Variants in MEX3A observed in about 807,000 individuals in gnomAD.
MEX3A encodes mex-3 RNA binding family member A.
A neutral mutation model predicts 30.0 loss-of-function variants in MEX3A; 4 were observed. The ratio of observed to expected loss-of-function variants is 0.13; its 90% CI spans 0.07 to 0.30. MEX3A has a LOEUF of 0.30. MEX3A is among the 10% of genes least tolerant of loss of function. MEX3A has a pLI of 1.00. For missense variants in MEX3A, 555 were observed against 736.7 expected (o/e 0.75, Z 2.86); for synonymous variants, 335 against 327.6 (o/e 1.02, Z -0.24).
At chr1:156,080,342 T>A (rs1349210690) in intron 1 of MEX3A, among the ~76,000 whole-genome samples, 1 of 151,970 alleles carries the variant, frequency 6.6e-6, no homozygotes, top group African/African-American at 2.4e-5. Flanking sequence ...CTCCGTGAAA[T>A]CCCCCTAACC....
chr1:156,076,794 G>A lies in MEX3A; in HGVS notation c.1343C>T (p.Pro448Leu), dbSNP rs571656220. Residue 448 changes from proline (P) to leucine (L), a missense_variant, in exon 2 of 2, where the codon CCG (proline) becomes CTG (leucine). Transcript: ENST00000532414. The surrounding 1 kb of genome is among the most constrained non-coding windows in gnomAD (Gnocchi z 6.0). The stretch of plus-strand genomic sequence containing the variant: ...ACCAAGTTTAGAGAAGCCCTGGAGC[G>A]GCTCTCCCGGGGGGCGCCTCGGGAG... The part of the protein sequence containing the change: ...AGLPRRPPGE[P>L]LQGFSKLGGG... 95 of 1,566,540 alleles carry A rather than the reference G, an allele frequency of 6.1e-5. No individual in the cohort carries two copies. In the South Asian group the frequency reaches 8.6e-4, roughly 14 times the overall value.
chr1:156,078,960 G>A (rs868636884), intron 1 of MEX3A, among the ~76,000 whole-genome samples: 11 of 151,692 alleles, frequency 7.3e-5, no homozygotes, highest in African/African-American at 2.4e-4. Context: ...ATACACACCC[G>A]CACCCATGAC....
chr1:156,077,201 T>C lies in MEX3A; in HGVS notation c.936A>G (p.Ala312=). ...AGGCGTCGGAGTAGCGGCTATCGATTGCTGCGTCGGGGCTCCCCGCCAGGA... is the reference window on the plus strand; with the variant it reads ...AGGCGTCGGAGTAGCGGCTATCGATCGCTGCGTCGGGGCTCCCCGCCAGGA... ...NDFLAGSPDA[A]IDSRYSDAWR... is the part of the protein sequence containing the mutation. Residue 312 remains alanine, a synonymous_variant, in exon 2 of 2, where the codon GCA becomes GCG. Transcript: ENST00000532414. The surrounding 1 kb of genome is among the most constrained non-coding windows in gnomAD (Gnocchi z 8.3). 1 of 1,613,562 alleles carries C rather than the reference T, an allele frequency of 6.2e-7. No individual in the cohort carries two copies. The highest frequency in any genetic ancestry group is 8.5e-7 in the Non-Finnish European group (1 of 1,179,822).
At chr1:156,078,307 A>C (rs1336733193) in intron 1 of MEX3A, among the ~76,000 whole-genome samples, 1 of 152,146 alleles carries the variant, frequency 6.6e-6, no homozygotes, top group Non-Finnish European at 1.5e-5. Flanking sequence ...ATTCATAGCG[A>C]GTTTGCAGCA....
rs556045598 is a variant in MEX3A, at chr1:156,082,315, T to C, written c.-317A>G. ...ACGGGGGGCGGGGGGCTGCAGGATC[T>C]CTGCCCCCACCCCTCCCGCCTCGGA... On this transcript the variant is annotated 5_prime_UTR_variant, in exon 1 of 2. Transcript: ENST00000532414. Among the ~76,000 whole-genome samples, 12 of 152,026 alleles carry C rather than the reference T, an allele frequency of 7.9e-5. No homozygotes were observed. In the East Asian group the frequency reaches 2.3e-3, roughly 30 times the overall value.
chr1:156,076,924 A>G lies in MEX3A; in HGVS notation c.1213T>C (p.Phe405Leu), dbSNP rs1266217988. ...QENATPTSVL[F>L]SSASSSSSSS... is the part of the protein sequence containing the mutation. ...GAGGAGGAGGAGGAGGCAGAGGAGA[A>G]GAGCACGGAGGTGGGCGTGGCGTTC... Residue 405 changes from phenylalanine to leucine, a missense_variant, in exon 2 of 2, where the codon TTC becomes CTC. Coordinates refer to ENST00000532414, the MANE Select transcript of MEX3A (RefSeq NM_001093725.2). The surrounding 1 kb of genome is among the most constrained non-coding windows in gnomAD (Gnocchi z 6.0). 1.0e-5 allele frequency: 16 copies of G among 1,593,668 alleles called. No homozygotes were observed. Among genetic ancestry groups the G allele is most frequent in the South Asian group, 1.1e-5 (1 of 88,988 alleles).
rs1262158728 is a variant in MEX3A at position 156,074,195 on chromosome 1, TTTC to T, written c.*2376_*2378del. The T allele has an allele frequency of 1.4e-4, 22 of 152,348 alleles. No homozygotes were observed. The highest frequency in any genetic ancestry group is 1.4e-3 in the Admixed American group (22 of 15,280). The allele number at this position is 152,348 out of a possible 1,614,324, so 9.4% of individuals were successfully genotyped here. Reference sequence around the variant, plus strand: ...TTAACTCTGAATACAAATGTATTTTTTTCTTCTTCTCTCCCTACATATATTCTA... The same window carrying T: ...TTAACTCTGAATACAAATGTATTTTTTTCTTCTCTCCCTACATATATTCTA... On this transcript the variant is annotated 3_prime_UTR_variant, in exon 2 of 2. Transcript: ENST00000532414.
chr1:156,079,797 T>C (rs778754065), intron 1 of MEX3A, among the ~76,000 whole-genome samples: 2 of 152,016 alleles, frequency 1.3e-5, no homozygotes, highest in African/African-American at 4.8e-5. Flanking sequence ...TCTTTAGCGG[T>C]TGGGGTTGGG....
At chr1:156,080,283 T>G (rs1648181019) in intron 1 of MEX3A, among the ~76,000 whole-genome samples, 1 of 152,162 alleles carries the variant, frequency 6.6e-6, no homozygotes, top group South Asian at 2.1e-4. Context: ...CCCAGGGGGA[T>G]GAGGGCTGTG....
chr1:156,078,067 C>G (rs1437474711), intron 1 of MEX3A, among the ~76,000 whole-genome samples: 1 of 152,212 alleles, frequency 6.6e-6, no homozygotes, highest in Admixed American at 6.5e-5. Flanking sequence ...AATTTCTCTA[C>G]TGATTCCTGG....
In MEX3A at chr1:156,076,973, G is replaced by A. The variant is rs1219292794; in HGVS notation, c.1164C>T (p.Ser388=). Residue 388 remains serine, a synonymous_variant, in exon 2 of 2, where the codon AGC becomes AGT. Coordinates refer to ENST00000532414, the MANE Select transcript of MEX3A (RefSeq NM_001093725.2). This position sits in a 1 kb window ranked among gnomAD's most constrained non-coding sequence, Gnocchi z 6.0. ...TCTCCTGGCCCGCCCACAGCGGGGG[G>A]CTAGTCTCGGCCACGCCGTAGTACA... ...QDVYYGVAET[S]PPLWAGQENA... is the part of the protein sequence containing the mutation. The A allele has an allele frequency of 2.5e-6, 4 of 1,612,138 alleles. No homozygotes were observed. Among genetic ancestry groups the A allele is most frequent in the Non-Finnish European group, 3.4e-6 (4 of 1,179,246 alleles).
chr1:156,076,983 G>A lies in MEX3A; in HGVS notation c.1154C>T (p.Ala385Val), dbSNP rs1264471967. ...VGKQDVYYGV[A>V]ETSPPLWAGQ... is the part of the protein sequence containing the mutation. ...CGCCCACAGCGGGGGGCTAGTCTCG[G>A]CCACGCCGTAGTACACATCCTGCTT... Residue 385 changes from alanine (A) to valine (V), a missense_variant, in exon 2 of 2, where the codon GCC becomes GTC. By Grantham distance (64) the Ala-to-Val change is moderately conservative. Around this residue, in one of 6 missense-constraint regions of MEX3A, gnomAD observed 281 missense variants for 265.1 expected, o/e 1.06. Transcript: ENST00000532414. This position sits in a 1 kb window ranked among gnomAD's most constrained non-coding sequence, Gnocchi z 6.0. 1 of 1,612,614 alleles carries A rather than the reference G, an allele frequency of 6.2e-7. No homozygotes were observed. The highest frequency in any genetic ancestry group is 1.3e-5 in the African/African-American group (1 of 74,918).
rs1648080439 is a variant in MEX3A at position 156,076,813 on chromosome 1, TCGGGAGTCCGGCCAG to T, written c.1309_1323del (p.Leu437_Pro441del). The T allele has an allele frequency of 1.3e-6, 2 of 1,555,342 alleles. No homozygotes were observed. On this transcript the variant is annotated inframe_deletion, in exon 2 of 2. Coordinates refer to ENST00000532414, the MANE Select transcript of MEX3A (RefSeq NM_001093725.2). The surrounding 1 kb of genome is among the most constrained non-coding windows in gnomAD (Gnocchi z 6.0). ...TGGAGCGGCTCTCCCGGGGGGCGCC[TCGGGAGTCCGGCCAG>T]CTCGGGTCCCGCGGAAGTGGCAGGG...
Position 156,076,274 on chromosome 1 carries a change from C to G in MEX3A, c.*300G>C. 3.4e-6 allele frequency: 1 copy of G among 290,678 alleles called. No individual in the cohort carries two copies. The highest frequency in any genetic ancestry group is 4.8e-5 in the Admixed American group (1 of 20,974). 18.0% of individuals were successfully genotyped at this position (290,678 alleles called of 1,614,324 possible). On this transcript the variant is annotated 3_prime_UTR_variant, in exon 2 of 2. Transcript: ENST00000532414. This position sits in a 1 kb window ranked among gnomAD's most constrained non-coding sequence, Gnocchi z 6.0. ...CGTCAGAATGCCTTAGTGGCCACCT[C>G]TGGCAAAACAAAAGTTTCTCTTAGC...
In MEX3A at chr1:156,077,262, G is replaced by A. The variant is rs1448150759; in HGVS notation, c.875C>T (p.Thr292Ile). The A allele has an allele frequency of 6.2e-7, 1 of 1,613,916 alleles. No homozygotes were observed. Among genetic ancestry groups the A allele is most frequent in the Non-Finnish European group, 8.5e-7 (1 of 1,179,862 alleles). The change falls in exon 2 of 2, where the codon ACT (threonine) becomes ATT (isoleucine). Residue 292 changes from threonine (T) to isoleucine (I), a missense_variant. Physicochemically the swap from Thr to Ile is moderately conservative, Grantham distance 89. Around this residue, in one of 6 missense-constraint regions of MEX3A, gnomAD observed 33 missense variants for 100.9 expected, o/e 0.33. Transcript: ENST00000532414. The surrounding 1 kb of genome is among the most constrained non-coding windows in gnomAD (Gnocchi z 8.3). ...EEIETHIAVR[T>I]GKILEYNNEN... ...ATTGTTGTACTCGAGGATCTTGCCA[G>A]TGCGCACCGCGATGTGCGTCTCGAT...
chr1:156,082,026 GA>G lies in MEX3A; in HGVS notation c.-29del. On this transcript the variant is annotated 5_prime_UTR_variant, in exon 1 of 2. Coordinates refer to ENST00000532414, the MANE Select transcript of MEX3A (RefSeq NM_001093725.2). ...CGAAACAAAAGCTGGGGGAGAGAGA[GA>G]GGGAGAGAGAGAGAGAGAGGTGGTG... is the stretch of plus-strand genomic sequence containing the variant. 3 of 1,358,120 alleles carry G rather than the reference GA, an allele frequency of 2.2e-6. No individual in the cohort carries two copies. The highest frequency in any genetic ancestry group is 9.8e-7 in the Non-Finnish European group (1 of 1,023,600). 84.1% of individuals were successfully genotyped at this position (1,358,120 alleles called of 1,614,324 possible). A position where few individuals can be genotyped will look rare whatever the true frequency, so the allele number is the denominator to read the frequency against.
rs1648127182 is a variant in MEX3A at position 156,078,278 on chromosome 1, TTC to T, written c.455-598_455-597del. The stretch of plus-strand genomic sequence containing the variant: ...CCCCACATGCCTTCCACTCAGTAGT[TTC>T]TCTCAGTGGGCCTCAAATTCATAGC... On this transcript the variant is annotated intron_variant, in intron 1 of 1. Coordinates refer to ENST00000532414, the MANE Select transcript of MEX3A (RefSeq NM_001093725.2). Among the ~76,000 whole-genome samples, 3 of 152,296 alleles carry T rather than the reference TTC, an allele frequency of 2.0e-5. No homozygotes were observed. The South Asian group carries it at 6.2e-4, about 32-fold the overall frequency.
In MEX3A at chr1:156,077,045, G is replaced by A. The variant is rs764427370; in HGVS notation, c.1092C>T (p.Gly364=). The change falls in exon 2 of 2, where the codon GGC becomes GGT. Residue 364 remains glycine (G), a synonymous_variant. Coordinates refer to ENST00000532414, the MANE Select transcript of MEX3A (RefSeq NM_001093725.2). The surrounding 1 kb of genome is among the most constrained non-coding windows in gnomAD (Gnocchi z 8.3). ...AGCCCGGAAAGAGGTACCCGCCGTA[G>A]CCAAAGTCCCCGCCCTGCTCACCCA... The part of the protein sequence containing the change: ...PRLGEQGGDF[G]YGGYLFPGYG... The A allele has an allele frequency of 1.2e-6, 2 of 1,613,876 alleles. No homozygotes were observed. The highest frequency in any genetic ancestry group is 1.7e-6 in the Non-Finnish European group (2 of 1,179,834).
chr1:156,079,382 T>G (rs1033646051), intron 1 of MEX3A, among the ~76,000 whole-genome samples: 6 of 151,870 alleles, frequency 4.0e-5, no homozygotes, highest in African/African-American at 1.5e-4. Context: ...CCCAGCTAAT[T>G]TTTTGTATTT....
Sources: allele counts gnomAD v4.1 joint callset (sites outside exome capture counted in the v4.1 genomes callset), GRCh38; gene constraint gnomAD v4.1.1; regional missense constraint gnomAD v4.1.1; non-coding constraint Gnocchi (gnomAD v3.1); transcripts MANE v1.5; gene names NCBI Gene and HGNC (gene_info 2026-07-23, HGNC 2026-07-21).